The following PCCA variants were observed in gnomAD, a reference collection of about 807,000 sequenced individuals.
The protein encoded by PCCA is propionyl-CoA carboxylase subunit alpha.
PCCA carries 74 observed loss-of-function variants against 101.3 expected under a neutral mutation model. That is an observed-to-expected ratio of 0.73 (90% confidence interval 0.61 to 0.89). PCCA has a LOEUF of 0.89. Ranked by LOEUF, PCCA falls within the 40% of genes least tolerant of loss-of-function variation. The probability of loss-of-function intolerance (pLI) is 0.00; values close to 1 mark genes in which losing one functional copy is unlikely to be tolerated. For synonymous variants in PCCA, 294 were observed against 313.6 expected (o/e 0.94, Z 0.66); for missense variants, 891 against 907.0 (o/e 0.98, Z 0.23).
chr13:100,255,053 C>G (rs1330921961), intron 8 of PCCA, among the ~76,000 whole-genome samples: 1 of 152,124 alleles, frequency 6.6e-6, no homozygotes, highest in African/African-American at 2.4e-5. Context: ...ACTCTGCACT[C>G]TAGCCTGGGT....
At chr13:100,430,387 A>G (rs979628393) in intron 20 of PCCA, among the ~76,000 whole-genome samples, 16 of 152,284 alleles carry the variant, frequency 1.1e-4, no homozygotes, top group Non-Finnish European at 2.9e-5. Flanking sequence ...TAAATTGATC[A>G]CTACCTTGCT....
chr13:100,279,656 A>G (rs1010307279), intron 12 of PCCA, among the ~76,000 whole-genome samples: 2 of 151,982 alleles, frequency 1.3e-5, no homozygotes, highest in South Asian at 2.1e-4. Context: ...TTGTTTTTTT[A>G]GTAGAGATGG....
At chr13:100,164,258 G>A (rs928072509) in intron 6 of PCCA, among the ~76,000 whole-genome samples, 1 of 152,172 alleles carries the variant, frequency 6.6e-6, no homozygotes, top group Non-Finnish European at 1.5e-5. Context: ...GGAACAAAGA[G>A]AAGGTTGAAG....
At chr13:100,289,932 AT>A (rs944835718) in intron 12 of PCCA, among the ~76,000 whole-genome samples, 95 of 152,028 alleles carry the variant, frequency 6.2e-4, no homozygotes, top group African/African-American at 2.2e-3. Flanking sequence ...TGTGTAGCAC[AT>A]TTTTTCATGA....
intron 22 of PCCA, among the ~76,000 whole-genome samples, chr13:100,521,252 C>A (rs938591920): frequency 6.6e-6 from 1 of 152,204 alleles, no homozygotes; most frequent in African/African-American, 2.4e-5. Context: ...TGGGTGCTGC[C>A]CAGTTCTGGG....
intron 16 of PCCA, among the ~76,000 whole-genome samples, chr13:100,323,403 C>T (rs1186908373): frequency 6.6e-6 from 1 of 151,810 alleles, no homozygotes; most frequent in Non-Finnish European, 1.5e-5. Context: ...CTCACTACAA[C>T]CTTCACCTCC....
At chr13:100,456,866 C>T (rs1325376673) in intron 21 of PCCA, among the ~76,000 whole-genome samples, 3 of 152,056 alleles carry the variant, frequency 2.0e-5, no homozygotes, top group African/African-American at 7.2e-5. Flanking sequence ...CAGATGACTG[C>T]GGGCAGACTG....
At chr13:100,410,160 C>T (rs960602366) in intron 19 of PCCA, among the ~76,000 whole-genome samples, 1 of 152,164 alleles carries the variant, frequency 6.6e-6, no homozygotes, top group Non-Finnish European at 1.5e-5. Flanking sequence ...TGGTACAAAA[C>T]GTGACTGTCC....
chr13:100,388,866 A>C lies in PCCA; in HGVS notation c.1746+20292A>C, dbSNP rs368427203. ...ATATTTTGACCCCTCAAAGTTGTTTATAAATAGAATGAACAGTGGAGCCAT... is the reference window on the plus strand; with the variant it reads ...ATATTTTGACCCCTCAAAGTTGTTTCTAAATAGAATGAACAGTGGAGCCAT... On this transcript the variant is annotated intron_variant, in intron 19 of 23. Coordinates refer to ENST00000376285, the MANE Select transcript of PCCA (RefSeq NM_000282.4). Among the ~76,000 whole-genome samples the C allele has an allele frequency of 1.1e-3, 166 of 152,366 alleles. 6 individuals carry two copies. The South Asian group carries it at 0.031, about 29-fold the overall frequency.
intron 19 of PCCA, among the ~76,000 whole-genome samples, chr13:100,414,772 A>T (rs1486188822): frequency 6.6e-6 from 1 of 152,220 alleles, no homozygotes; most frequent in Admixed American, 6.5e-5. Context: ...AATGGGATAT[A>T]CATCATCTAT....
intron 21 of PCCA, among the ~76,000 whole-genome samples, chr13:100,463,067 T>C (rs1165225214): frequency 6.6e-6 from 1 of 152,188 alleles, no homozygotes; most frequent in Non-Finnish European, 1.5e-5. Context: ...CACTCTGTAC[T>C]GATGATGGAG....
At chr13:100,373,467 G>A (rs1487410968) in intron 19 of PCCA, among the ~76,000 whole-genome samples, 1 of 152,108 alleles carries the variant, frequency 6.6e-6, no homozygotes, top group Non-Finnish European at 1.5e-5. Context: ...TGAATCTTGA[G>A]GACATTATGC....
intron 18 of PCCA, among the ~76,000 whole-genome samples, chr13:100,357,442 C>T (rs1279675314): frequency 6.6e-6 from 1 of 152,184 alleles, no homozygotes; most frequent in Admixed American, 6.5e-5. Context: ...CCTGGGCTAC[C>T]ACCTGGAAGG....
At chr13:100,439,320 A>G (rs1319472077) in intron 20 of PCCA, among the ~76,000 whole-genome samples, 3 of 152,192 alleles carry the variant, frequency 2.0e-5, no homozygotes, top group Non-Finnish European at 4.4e-5. Context: ...AACTTTTTAA[A>G]TTTCCCATTA....
chr13:100,255,357 A>G lies in PCCA; in HGVS notation c.638-2238A>G, dbSNP rs141311726. On this transcript the variant is annotated intron_variant, in intron 8 of 23. Transcript: ENST00000376285. ...CCCCAGCTTGTTCCTTGTGAGCAAG[A>G]ATGATTTCCATGTCATATTTTGAAA... 1.2e-3 allele frequency among the ~76,000 whole-genome samples: 184 copies of G among 152,328 alleles called. 2 individuals are homozygous for G. Among genetic ancestry groups the G allele is most frequent in the South Asian group, 0.011 (52 of 4,832 alleles).
chr13:100,293,797 A>G (rs2065311798), intron 12 of PCCA, among the ~76,000 whole-genome samples: 1 of 152,204 alleles, frequency 6.6e-6, no homozygotes, highest in African/African-American at 2.4e-5. Context: ...CTTATTATTT[A>G]CTGAACCTTA....
At chr13:100,354,119 T>TAATAATAATAAA (rs1463043522) in intron 18 of PCCA, among the ~76,000 whole-genome samples, 14 of 137,176 alleles carry the variant, frequency 1.0e-4, no homozygotes, top group East Asian at 4.2e-4. Context: ...ATAATAATAA[T>TAATAATAATAAA]AAAATAATTC....
At chr13:100,325,760 A>G (rs559248271) in intron 16 of PCCA, among the ~76,000 whole-genome samples, 2 of 152,312 alleles carry the variant, frequency 1.3e-5, no homozygotes, top group South Asian at 2.1e-4. Context: ...GGCTTGGACA[A>G]TGAGAACCCT....
rs567015418 is a variant in PCCA, at chr13:100,224,239, G to C, written c.601-11603G>C. 2.2e-4 allele frequency among the ~76,000 whole-genome samples: 33 copies of C among 152,356 alleles called. 1 individual carries two copies. The South Asian group carries it at 6.6e-3, about 31-fold the overall frequency. ...TGGGCGAGAAATCGAGCGCAGTGCT[G>C]GTGGGCTGGCACTGCTGGGTAACCC... On this transcript the variant is annotated intron_variant, in intron 7 of 23. Transcript: ENST00000376285.
Sources: allele counts gnomAD v4.1 joint callset (sites outside exome capture counted in the v4.1 genomes callset), GRCh38; gene constraint gnomAD v4.1.1; transcripts MANE v1.5; gene names NCBI Gene and HGNC (gene_info 2026-07-23, HGNC 2026-07-21).